Variants in MALRD1 observed in about 807,000 individuals in gnomAD.
The protein encoded by MALRD1 is MAM and LDL receptor class A domain containing 1, also known as MAM and LDL-receptor class A domain-containing protein 1.
MALRD1 carries 247 observed loss-of-function variants against 242.1 expected under a neutral mutation model. The ratio of observed to expected loss-of-function variants is 1.02; its 90% CI spans 0.92 to 1.13. The LOEUF (loss-of-function observed/expected upper bound fraction) is 1.13, where lower values mean the gene tolerates loss of function less well. Ranked by LOEUF, MALRD1 falls within the 50% of genes most tolerant of loss-of-function variation. The probability of loss-of-function intolerance (pLI) is 0.00; values close to 1 mark genes in which losing one functional copy is unlikely to be tolerated. For synonymous variants in MALRD1, 995 were observed against 866.6 expected, an observed-to-expected ratio of 1.15 and a Z score of -2.60; for missense variants, 2,989 against 2,533.1, an observed-to-expected ratio of 1.18 and a Z score of -3.86.
Position 19,347,888 on chromosome 10 carries a change from C to A in MALRD1, c.4019C>A (p.Pro1340Gln). 6.5e-7 allele frequency: 1 copy of A among 1,550,364 alleles called. No individual in the cohort carries two copies. Reference protein sequence around the residue: ...ASSIPAAGTEPAADHTLGNSS... With the variant: ...ASSIPAAGTEQAADHTLGNSS... ...AGCATCCCTGCAGCAGGCACAGAGCCAGCAGCAGATCACACTTTGGGAAAT... is the reference window on the plus strand; with the variant it reads ...AGCATCCCTGCAGCAGGCACAGAGCAAGCAGCAGATCACACTTTGGGAAAT... Residue 1340 changes from proline (P) to glutamine (Q), a missense_variant, in exon 25 of 40, where the codon CCA (proline) becomes CAA (glutamine). Transcript: ENST00000454679.
intron 29 of MALRD1, among the ~76,000 whole-genome samples, chr10:19,466,252 T>A (rs1374818039): frequency 6.6e-6 from 1 of 152,180 alleles, no homozygotes; most frequent in African/African-American, 2.4e-5. Flanking sequence ...AATGTAAATA[T>A]GTTTTTCTTG....
At chr10:19,603,309 G>A (rs1838453941) in intron 34 of MALRD1, among the ~76,000 whole-genome samples, 1 of 152,086 alleles carries the variant, frequency 6.6e-6, no homozygotes, top group African/African-American at 2.4e-5. Context: ...TTTTCTTCTA[G>A]GGTTTTTATG....
At chr10:19,071,573 A>G (rs906276150) in intron 2 of MALRD1, among the ~76,000 whole-genome samples, 3 of 152,072 alleles carry the variant, frequency 2.0e-5, no homozygotes, top group Admixed American at 6.6e-5. Context: ...GTACCAGCTT[A>G]TAGATTTTTC....
At chr10:19,466,116 A>G (rs1271367910) in intron 29 of MALRD1, among the ~76,000 whole-genome samples, 1 of 152,020 alleles carries the variant, frequency 6.6e-6, no homozygotes, top group African/African-American at 2.4e-5. Flanking sequence ...TTAAACATTT[A>G]TTTTTCTTCT....
chr10:19,305,054 G>A (rs753532642), intron 21 of MALRD1, among the ~76,000 whole-genome samples: 10 of 151,638 alleles, frequency 6.6e-5, no homozygotes, highest in Non-Finnish European at 1.2e-4. Context: ...TTGATTCATA[G>A]CATTACTATG....
intron 19 of MALRD1, among the ~76,000 whole-genome samples, chr10:19,276,089 C>A (rs541682575): frequency 6.6e-6 from 1 of 152,120 alleles, no homozygotes; most frequent in East Asian, 1.9e-4. Flanking sequence ...GAATTAAAAT[C>A]TTTGTCTTAA....
intron 1 of MALRD1, among the ~76,000 whole-genome samples, chr10:19,055,384 T>A (rs558191271): frequency 1.3e-5 from 2 of 152,232 alleles, no homozygotes; most frequent in African/African-American, 2.4e-5. Flanking sequence ...ATCTTTGCTG[T>A]GCAGAAGCTT....
intron 36 of MALRD1, among the ~76,000 whole-genome samples, chr10:19,640,106 TGAGA>T (rs997721159): frequency 6.6e-6 from 1 of 152,156 alleles, no homozygotes; most frequent in African/African-American, 2.4e-5. Context: ...ATTTTTTTCT[TGAGA>T]AAGAGTTTCG....
At chr10:19,555,910 G>T (rs1835697726) in intron 32 of MALRD1, among the ~76,000 whole-genome samples, 1 of 152,112 alleles carries the variant, frequency 6.6e-6, no homozygotes, top group South Asian at 2.1e-4. Context: ...ATGACAGAGA[G>T]GGAGAGAAAA....
At chr10:19,718,701 T>C (rs1343845120) in intron 38 of MALRD1, among the ~76,000 whole-genome samples, 2 of 152,224 alleles carry the variant, frequency 1.3e-5, no homozygotes, top group African/African-American at 4.8e-5. Flanking sequence ...AATAATGCTG[T>C]GTCAAGTACA....
chr10:19,578,367 AG>A (rs987348005), intron 33 of MALRD1, among the ~76,000 whole-genome samples: 8 of 152,164 alleles, frequency 5.3e-5, no homozygotes, highest in African/African-American at 1.9e-4. Context: ...ACCAATGTAA[AG>A]TTGCTCAAAA....
chr10:19,313,674 T>C lies in MALRD1; in HGVS notation c.3420-10275T>C, dbSNP rs532840234. On this transcript the variant is annotated intron_variant, in intron 21 of 39. Transcript: ENST00000454679. ...GTTTTATAAAGGTCTAATACGTATT[T>C]ACTGAGACTCTTAGAGTCCTATTTG... is the stretch of plus-strand genomic sequence containing the variant. 7.2e-5 allele frequency among the ~76,000 whole-genome samples: 11 copies of C among 151,744 alleles called. No individual in the cohort carries two copies. The South Asian group carries it at 1.4e-3, about 20-fold the overall frequency.
chr10:19,711,269 A>C (rs1358618138), intron 38 of MALRD1: 1 of 152,218 alleles, frequency 6.6e-6, no homozygotes, highest in African/African-American at 2.4e-5. Flanking sequence ...AAAGTTCTTC[A>C]AAGACCAGTT....
At chr10:19,719,792 T>C (rs924156257) in intron 38 of MALRD1, among the ~76,000 whole-genome samples, 1 of 152,176 alleles carries the variant, frequency 6.6e-6, no homozygotes, top group African/African-American at 2.4e-5. Flanking sequence ...GTATCCTTGC[T>C]TTTTCAAATT....
At chr10:19,212,977 A>T (rs1189080029) in intron 18 of MALRD1, among the ~76,000 whole-genome samples, 13 of 152,126 alleles carry the variant, frequency 8.5e-5, no homozygotes, top group Admixed American at 8.5e-4. Flanking sequence ...TATATTTTTG[A>T]TGCAAGCCTT....
intron 38 of MALRD1, among the ~76,000 whole-genome samples, chr10:19,720,437 C>T (rs1046203521): frequency 5.3e-5 from 8 of 152,212 alleles, no homozygotes; most frequent in African/African-American, 1.9e-4. Context: ...GCTTTATCTC[C>T]TGAGTTAGAG....
chr10:19,421,403 C>A (rs11009827), intron 28 of MALRD1, among the ~76,000 whole-genome samples: 11,707 of 152,086 alleles, frequency 0.077, 475 homozygotes, highest in East Asian at 0.14. Context: ...TAGGGAATAA[C>A]AAGTAACTGT....
chr10:19,236,947 A>T (rs1838346263), intron 18 of MALRD1, among the ~76,000 whole-genome samples: 1 of 152,042 alleles, frequency 6.6e-6, no homozygotes, highest in South Asian at 2.1e-4. Flanking sequence ...TAAACTTTGC[A>T]TTGGTGGTTG....
intron 21 of MALRD1, among the ~76,000 whole-genome samples, chr10:19,297,391 G>A (rs1054161486): frequency 6.6e-6 from 1 of 151,602 alleles, no homozygotes; most frequent in Non-Finnish European, 1.5e-5. Context: ...TATATAGATT[G>A]GGTTTTCTTT....
Sources: gnomAD v4.1 joint callset for allele counts (sites outside exome capture counted in the v4.1 genomes callset) on GRCh38, gnomAD v4.1.1 for gene constraint, MANE v1.5 for transcripts, NCBI Gene and HGNC (gene_info 2026-07-23, HGNC 2026-07-21) for gene names.